Variants in SGCB observed in about 807,000 individuals in gnomAD.
SGCB encodes the protein sarcoglycan beta.
Under a neutral mutation model 27.3 loss-of-function variants are expected in SGCB, and 25 were observed. The observed-to-expected ratio is 0.92, with a 90% CI of 0.67 to 1.28. SGCB has a LOEUF of 1.28. Ranked by LOEUF, SGCB falls within the 50% of genes most tolerant of loss-of-function variation. SGCB has a pLI of 0.00. For missense variants in SGCB, 436 were observed against 402.1 expected, an observed-to-expected ratio of 1.08 and a Z score of -0.72; for synonymous variants, 147 against 133.5, an observed-to-expected ratio of 1.10 and a Z score of -0.70.
In SGCB at chr4:52,029,850, A is replaced by T; in HGVS notation, c.257T>A (p.Ile86Asn). 1 of 1,613,640 alleles carries T rather than the reference A, an allele frequency of 6.2e-7. No individual in the cohort carries two copies. Among genetic ancestry groups the T allele is most frequent in the African/African-American group, 1.3e-5 (1 of 75,044 alleles). ...AVINLIITLVIWAVIRIGPNG... is the reference protein window; with the variant it reads ...AVINLIITLVNWAVIRIGPNG... ...TGGTCCAATGCGAATCACGGCCCAAATAACAAGTGTTATCTGAAAAAGAAC... is the reference window on the plus strand; with the variant it reads ...TGGTCCAATGCGAATCACGGCCCAATTAACAAGTGTTATCTGAAAAAGAAC... Residue 86 changes from isoleucine to asparagine, a missense_variant, in exon 3 of 6, where the codon ATT (isoleucine) becomes AAT (asparagine). Transcript: ENST00000381431.
At chr4:52,028,257 T>A (rs1447388848) in intron 4 of SGCB, among the ~76,000 whole-genome samples, 158 bp from the exon 5 acceptor site, 1 of 152,240 alleles carries the variant, frequency 6.6e-6, no homozygotes, top group Non-Finnish European at 1.5e-5. Flanking sequence ...GATGACTTGA[T>A]AATGATCACA....
chr4:52,034,448 AC>A (rs1345775931), intron 1 of SGCB, among the ~76,000 whole-genome samples: 2 of 150,608 alleles, frequency 1.3e-5, no homozygotes, highest in Non-Finnish European at 3.0e-5. Flanking sequence ...ATACAGTATA[AC>A]AACTGTTTAC....
chr4:52,028,896 T>C lies in SGCB; in HGVS notation c.455A>G (p.Lys152Arg), dbSNP rs1009256568. Residue 152 changes from lysine (K) to arginine (R), a missense_variant, in exon 4 of 6, where the codon AAG (lysine) becomes AGG (arginine). Lys to Arg is a conservative substitution (Grantham distance 26). Transcript: ENST00000381431. ...QPIVFQQGTT[K>R]LSVENNKTSI... The stretch of plus-strand genomic sequence containing the variant: ...AGTTTTGTTGTTTTCTACACTGAGC[T>C]TTGTTGTCCCTTGCTGAAAAACAAT... 6 of 1,613,948 alleles carry C rather than the reference T, an allele frequency of 3.7e-6. No homozygotes were observed. The Admixed American group carries it at 5.0e-5, about 13-fold the overall frequency.
In SGCB at chr4:52,029,835, C is replaced by A. The variant is rs104893869; in HGVS notation, c.272G>T (p.Arg91Leu). Reference sequence around the variant, plus strand: ...ACTATCACAGCCATTTGGTCCAATGCGAATCACGGCCCAAATAACAAGTGT... The same window carrying A: ...ACTATCACAGCCATTTGGTCCAATGAGAATCACGGCCCAAATAACAAGTGT... ...IITLVIWAVI[R>L]IGPNGCDSME... The change falls in exon 3 of 6, where the codon CGC (arginine) becomes CTC (leucine). Residue 91 changes from arginine to leucine, a missense_variant. Coordinates refer to ENST00000381431, the MANE Select transcript of SGCB (RefSeq NM_000232.5). 1 of 1,613,542 alleles carries A rather than the reference C, an allele frequency of 6.2e-7. No individual in the cohort carries two copies. Among genetic ancestry groups the A allele is most frequent in the Admixed American group, 1.7e-5 (1 of 59,990 alleles).
At chr4:52,038,185 C>A in intron 1 of SGCB, 42 bp downstream of exon 1, 1 of 1,210,240 alleles carries the variant, frequency 8.3e-7, no homozygotes, top group Non-Finnish European at 1.0e-6. Flanking sequence ...GACGCGGCCT[C>A]CCCCGCTCCT....
intron 1 of SGCB, 75 bp downstream of exon 1, chr4:52,038,152 G>T (rs1737449488): frequency 8.7e-7 from 1 of 1,148,880 alleles, no homozygotes; most frequent in Non-Finnish European, 1.1e-6. Context: ...CCCGGCCAGG[G>T]CTCCCGCGGG....
At chr4:52,033,264 A>T (rs959343401) in intron 2 of SGCB, among the ~76,000 whole-genome samples, 167 bp downstream of exon 2, 3 of 152,230 alleles carry the variant, frequency 2.0e-5, no homozygotes, top group Non-Finnish European at 2.9e-5. Flanking sequence ...AATGAAATTA[A>T]TATATGAAAA....
At chr4:52,032,342 A>G (rs528108812) in intron 2 of SGCB, among the ~76,000 whole-genome samples, 2 of 152,248 alleles carry the variant, frequency 1.3e-5, no homozygotes, top group South Asian at 2.1e-4. Context: ...CTCCTCTCTG[A>G]TAAGTTATCT....
intron 2 of SGCB, among the ~76,000 whole-genome samples, chr4:52,031,155 T>C (rs1483940062): frequency 6.6e-6 from 1 of 152,152 alleles, no homozygotes; most frequent in African/African-American, 2.4e-5. Flanking sequence ...CTGGACCCAG[T>C]ATGGTAGTTT....
intron 4 of SGCB, among the ~76,000 whole-genome samples, chr4:52,028,430 G>A (rs1305103118): frequency 6.6e-6 from 1 of 152,174 alleles, no homozygotes; most frequent in Non-Finnish European, 1.5e-5. Context: ...GAGGTCAGGA[G>A]ATCGAGACCA....
intron 1 of SGCB, among the ~76,000 whole-genome samples, chr4:52,035,589 T>G (rs1375684642): frequency 6.6e-6 from 1 of 152,134 alleles, no homozygotes; most frequent in East Asian, 1.9e-4. Flanking sequence ...GAGCACAAAT[T>G]CAGAGTGTTA....
chr4:52,037,674 A>C (rs984293067), intron 1 of SGCB, among the ~76,000 whole-genome samples: 2 of 152,232 alleles, frequency 1.3e-5, no homozygotes, highest in African/African-American at 4.8e-5. Flanking sequence ...TGGATAAATC[A>C]TTTTTAAAAG....
intron 2 of SGCB, among the ~76,000 whole-genome samples, chr4:52,032,314 C>T (rs983205265): frequency 6.6e-6 from 1 of 152,188 alleles, no homozygotes; most frequent in African/African-American, 2.4e-5. Flanking sequence ...CCAACATCCC[C>T]TCCCCAACAA....
At position 52,028,081 on chromosome 4, in the gene SGCB, T is replaced by A. The variant is rs758338829; in HGVS notation, c.640A>T (p.Ser214Cys). The A allele has an allele frequency of 1.1e-5, 17 of 1,612,672 alleles. No individual in the cohort carries two copies. Among genetic ancestry groups the A allele is most frequent in the Non-Finnish European group, 8.5e-7 (1 of 1,178,900 alleles). The change falls in exon 5 of 6, where the codon AGT becomes TGT. Residue 214 changes from serine to cysteine, a missense_variant. By Grantham distance (112) the Ser-to-Cys change is moderately radical. Coordinates refer to ENST00000381431, the MANE Select transcript of SGCB (RefSeq NM_000232.5). ...CCATCAACTTTTATATTTAAATCACTGGTAGCATTGCTGGTAATCTGAAAA... is the reference window on the plus strand; with the variant it reads ...CCATCAACTTTTATATTTAAATCACAGGTAGCATTGCTGGTAATCTGAAAA... ...STERITSNAT[S>C]DLNIKVDGRA...
chr4:52,028,738 T>C lies in SGCB; in HGVS notation c.613A>G (p.Thr205Ala), dbSNP rs202114068. The C allele has an allele frequency of 1.9e-6, 3 of 1,607,590 alleles. No homozygotes were observed. Among genetic ancestry groups the C allele is most frequent in the South Asian group, 2.2e-5 (2 of 90,906 alleles). The change falls in exon 4 of 6, where the codon ACT (threonine) becomes GCT (alanine). Residue 205 changes from threonine (T) to alanine (A), a missense_variant. Physicochemically the swap from Thr to Ala is moderately conservative, Grantham distance 58 (BLOSUM62 0). Transcript: ENST00000381431. ...VKSLNVQKAS[T>A]ERITSNATSD... The stretch of plus-strand genomic sequence containing the variant: ...AAGCCAATAAATCATACCCTTTCAG[T>C]AGATGCCTTTTGAACATTCAAACTT...
At chr4:52,026,537 G>A (rs945630432) in intron 5 of SGCB, among the ~76,000 whole-genome samples, 1 of 152,062 alleles carries the variant, frequency 6.6e-6, no homozygotes, top group East Asian at 1.9e-4. Context: ...GATTACAGGC[G>A]TAAGTCATCG....
chr4:52,037,269 G>A (rs968843619), intron 1 of SGCB, among the ~76,000 whole-genome samples: 1 of 152,134 alleles, frequency 6.6e-6, no homozygotes, highest in Non-Finnish European at 1.5e-5. Context: ...TTGGCTGTAT[G>A]ACTTTAAGCT....
chr4:52,029,898 G>T, intron 2 of SGCB, 35 bp from the exon 3 acceptor site: 1 of 1,472,772 alleles, frequency 6.8e-7, no homozygotes. Flanking sequence ...TTGGTAGGCC[G>T]CATACATTTA....
At chr4:52,036,525 A>T (rs1331461679) in intron 1 of SGCB, among the ~76,000 whole-genome samples, 1 of 152,208 alleles carries the variant, frequency 6.6e-6, no homozygotes, top group African/African-American at 2.4e-5. Flanking sequence ...CTCCAAAAAG[A>T]GATGAACTGG....
Sources: allele counts gnomAD v4.1 joint callset (sites outside exome capture counted in the v4.1 genomes callset), GRCh38; gene constraint gnomAD v4.1.1; transcripts MANE v1.5; gene names NCBI Gene and HGNC (gene_info 2026-07-23, HGNC 2026-07-21).